Variants in IL21R observed in about 807,000 individuals in gnomAD.
The protein encoded by IL21R is interleukin-21 receptor.
In IL21R, 14 loss-of-function variants were observed where a neutral mutation model predicts 41.3. That is an observed-to-expected ratio of 0.34 (90% CI 0.22 to 0.53). The LOEUF is 0.53. Among genes scored for constraint, IL21R ranks in the 20% least tolerant of loss-of-function variants. IL21R has a pLI of 0.94. For missense variants in IL21R, 588 were observed against 681.6 expected (o/e 0.86, Z 1.53); for synonymous variants, 286 against 287.6 (o/e 0.99, Z 0.05).
intron 1 of IL21R, among the ~76,000 whole-genome samples, chr16:27,408,304 G>A (rs1404462354): frequency 7.9e-5 from 12 of 152,222 alleles, no homozygotes; most frequent in Non-Finnish European, 1.6e-4. Context: ...TAGTTTCCGT[G>A]GCTAAAACAG....
chr16:27,423,194 C>T (rs908379366), intron 1 of IL21R, among the ~76,000 whole-genome samples: 10 of 150,800 alleles, frequency 6.6e-5, no homozygotes, highest in Non-Finnish European at 1.0e-4. Flanking sequence ...CATTTTTCCT[C>T]TCTTAAGTAC....
At chr16:27,435,467 T>G (rs929264478) in intron 3 of IL21R, among the ~76,000 whole-genome samples, 1 of 151,786 alleles carries the variant, frequency 6.6e-6, no homozygotes, top group Non-Finnish European at 1.5e-5. Context: ...TTATTTTATT[T>G]TTTTGAGACA....
At chr16:27,402,698 A>C (rs1478895894) in intron 1 of IL21R, 80 bp downstream of exon 1, 2 of 171,418 alleles carry the variant, frequency 1.2e-5, no homozygotes, top group Non-Finnish European at 2.5e-5. Flanking sequence ...TGCTGCATCT[A>C]GTGTCACAGT....
At chr16:27,438,577 C>T (rs1333308244) in intron 4 of IL21R, among the ~76,000 whole-genome samples, 1 of 151,900 alleles carries the variant, frequency 6.6e-6, no homozygotes, top group African/African-American at 2.4e-5. Context: ...AAACAAGAAC[C>T]AGGGCAGGGG....
At position 27,403,184 on chromosome 16, in the gene IL21R, G is replaced by A. The variant is rs750160521; in HGVS notation, c.-17+566G>A. 54 of 1,338,752 alleles carry A rather than the reference G, an allele frequency of 4.0e-5. No individual in the cohort carries two copies. Among genetic ancestry groups the A allele is most frequent in the Non-Finnish European group, 5.2e-5 (53 of 1,016,048 alleles). 82.9% of individuals were successfully genotyped at this position (1,338,752 alleles called of 1,614,324 possible). A position where few individuals can be genotyped will look rare whatever the true frequency, so the allele number is the denominator to read the frequency against. Reference sequence around the variant, plus strand: ...CCAGGTGACCCCATGAGCTGTCGCTGCATCTTTCTCATGAAGCACGGGGAA... The same window carrying A: ...CCAGGTGACCCCATGAGCTGTCGCTACATCTTTCTCATGAAGCACGGGGAA... On this transcript the variant is annotated intron_variant, in intron 1 of 8. Coordinates refer to ENST00000337929, the MANE Select transcript of IL21R (RefSeq NM_181078.3).
chr16:27,434,256 A>C (rs774045689), intron 2 of IL21R, 91 bp from the exon 3 acceptor site: 1 of 844,112 alleles, frequency 1.2e-6, no homozygotes, highest in Non-Finnish European at 2.0e-6. Flanking sequence ...CCCTGCACCC[A>C]TTCTTCCTCC....
Position 27,444,718 on chromosome 16 carries a change from G to T in IL21R, c.684G>T (p.Glu228Asp). Residue 228 changes from glutamate (E) to aspartate (D), a missense_variant and splice_region_variant, in exon 6 of 9, where the codon GAG becomes GAT. Glu to Asp is a conservative substitution (Grantham distance 45, BLOSUM62 2). Coordinates refer to ENST00000337929, the MANE Select transcript of IL21R (RefSeq NM_181078.3). ...SDPVIFQTQS[E>D]ELKEGWNPHL... ...CGGTCATCTTTCAGACCCAGTCAGA[G>T]GGTAGGTGTGAAGCTGGGATGGACA... is the stretch of plus-strand genomic sequence containing the variant. 6.7e-7 allele frequency: 1 copy of T among 1,491,782 alleles called. No individual in the cohort carries two copies. Among genetic ancestry groups the T allele is most frequent in the Non-Finnish European group, 8.9e-7 (1 of 1,119,524 alleles). 92.4% of individuals were successfully genotyped at this position (1,491,782 alleles called of 1,614,324 possible). A position where few individuals can be genotyped will look rare whatever the true frequency, so the allele number is the denominator to read the frequency against.
chr16:27,419,203 A>G (rs7195657), intron 1 of IL21R, among the ~76,000 whole-genome samples: 50,365 of 152,040 alleles, frequency 0.33, 8,614 homozygotes, highest in East Asian at 0.51. Flanking sequence ...TCCATCTCAA[A>G]AAAACCCAGA....
At chr16:27,437,418 G>C (rs2087289844) in intron 3 of IL21R, 70 bp from the exon 4 acceptor site, 1 of 1,281,912 alleles carries the variant, frequency 7.8e-7, no homozygotes, top group Non-Finnish European at 1.1e-6. Context: ...CCCTGGCCCT[G>C]AGCACTGAGC....
intron 1 of IL21R, among the ~76,000 whole-genome samples, chr16:27,421,155 C>G (rs2086993397): frequency 6.6e-6 from 1 of 152,030 alleles, no homozygotes; most frequent in African/African-American, 2.4e-5. Flanking sequence ...TCAGTTCAAT[C>G]CCATTGATCT....
At chr16:27,447,141 A>C (rs767861231) in intron 8 of IL21R, among the ~76,000 whole-genome samples, 2 of 152,184 alleles carry the variant, frequency 1.3e-5, no homozygotes, top group Admixed American at 6.5e-5. Context: ...CATGGACCCC[A>C]ACCCACATAA....
intron 1 of IL21R, among the ~76,000 whole-genome samples, chr16:27,411,597 G>T (rs1243119991): frequency 1.3e-5 from 2 of 151,144 alleles, no homozygotes; most frequent in African/African-American, 4.9e-5. Flanking sequence ...TGAGTAACTG[G>T]AATTACAGGT....
chr16:27,441,063 A>G (rs1040132317), intron 4 of IL21R, among the ~76,000 whole-genome samples: 47 of 150,762 alleles, frequency 3.1e-4, no homozygotes, highest in African/African-American at 4.2e-4. Flanking sequence ...AAAAAAAAAA[A>G]AAAGAAAGAA....
rs146179067 is a variant in IL21R at position 27,418,992 on chromosome 16, A to G, written c.-16-11064A>G. Among the ~76,000 whole-genome samples the G allele has an allele frequency of 3.6e-3, 548 of 152,090 alleles. 2 individuals carry two copies. Among genetic ancestry groups the G allele is most frequent in the African/African-American group, 0.013 (525 of 41,504 alleles). ...CACTTTGGGAGGCCAAGGAGGGCGG[A>G]TCGCCTGCAATCAGGAATTCGAGAC... On this transcript the variant is annotated intron_variant, in intron 1 of 8. Transcript: ENST00000337929.
At chr16:27,404,139 G>A (rs1355047575) in intron 1 of IL21R, among the ~76,000 whole-genome samples, 1 of 152,204 alleles carries the variant, frequency 6.6e-6, no homozygotes, top group Non-Finnish European at 1.5e-5. Flanking sequence ...AACCCCCAGA[G>A]GAGAGGCCCT....
At position 27,446,102 on chromosome 16, in the gene IL21R, C is replaced by G; in HGVS notation, c.867+14C>G. On this transcript the variant is annotated intron_variant, in intron 8 of 8. Coordinates refer to ENST00000337929, the MANE Select transcript of IL21R (RefSeq NM_181078.3). ...GGAGACTTCAAGGTGAGCTCCCGAC[C>G]CTGTGATGAGCTCCTCGGAGCCCCT... 1.9e-6 allele frequency: 3 copies of G among 1,608,852 alleles called. No homozygotes were observed. The highest frequency in any genetic ancestry group is 2.6e-6 in the Non-Finnish European group (3 of 1,175,940).
chr16:27,427,842 T>A (rs2087104399), intron 1 of IL21R, among the ~76,000 whole-genome samples: 1 of 152,194 alleles, frequency 6.6e-6, no homozygotes, highest in African/African-American at 2.4e-5. Flanking sequence ...CTGCAGGGGT[T>A]GGAATCACAC....
intron 1 of IL21R, among the ~76,000 whole-genome samples, chr16:27,417,800 C>T (rs1371537009): frequency 1.3e-5 from 2 of 152,020 alleles, no homozygotes; most frequent in Non-Finnish European, 2.9e-5. Context: ...AACGGCACAC[C>T]TGTGTAGGGC....
chr16:27,438,286 T>C (rs2087309598), intron 4 of IL21R, among the ~76,000 whole-genome samples: 1 of 151,848 alleles, frequency 6.6e-6, no homozygotes. Flanking sequence ...CGACACTGAG[T>C]TACAGAAAAA....
Sources: gnomAD v4.1 joint callset for allele counts (sites outside exome capture counted in the v4.1 genomes callset) on GRCh38, gnomAD v4.1.1 for gene constraint, MANE v1.5 for transcripts, NCBI Gene and HGNC (gene_info 2026-07-23, HGNC 2026-07-21) for gene names.